SLC30A8: variants seen among roughly 807,000 people sequenced by gnomAD.
The protein encoded by SLC30A8 is solute carrier family 30 member 8.
In SLC30A8, 27 loss-of-function variants were observed where a neutral mutation model predicts 36.9. That is an observed-to-expected ratio of 0.73 (90% CI 0.54 to 1.01). SLC30A8 has a LOEUF of 1.01. SLC30A8 is among the 50% of genes least tolerant of loss of function. The pLI is 0.00. For missense variants in SLC30A8, 439 were observed against 452.0 expected, an observed-to-expected ratio of 0.97 and a Z score of 0.26; for synonymous variants, 164 against 172.4, an observed-to-expected ratio of 0.95 and a Z score of 0.38.
chr8:117,119,155 A>G (rs1229424084), intron 2 of SLC30A8, among the ~76,000 whole-genome samples: 9 of 151,938 alleles, frequency 5.9e-5, no homozygotes, highest in Non-Finnish European at 1.2e-4. Flanking sequence ...CTAGTAGGCT[A>G]AGAGAAACTT....
chr8:117,086,647 C>T (rs187472789), intron 2 of SLC30A8, among the ~76,000 whole-genome samples: 6 of 152,252 alleles, frequency 3.9e-5, no homozygotes, highest in Admixed American at 2.6e-4. Context: ...GATCCAGCAG[C>T]TGCCAAGGTG....
At chr8:117,143,844 A>C (rs534041558) in intron 1 of SLC30A8, among the ~76,000 whole-genome samples, 2 of 152,236 alleles carry the variant, frequency 1.3e-5, no homozygotes, top group Admixed American at 6.5e-5. Context: ...AGCAGTACAC[A>C]AAAGTAAAAA....
chr8:116,976,472 C>T (rs1189305090), intron 1 of SLC30A8, among the ~76,000 whole-genome samples: 1 of 152,112 alleles, frequency 6.6e-6, no homozygotes, highest in Non-Finnish European at 1.5e-5. Context: ...AAACTAAAAC[C>T]CTAGCTGACA....
chr8:117,133,068 A>G (rs1341064177), upstream of SLC30A8, among the ~76,000 whole-genome samples: 1 of 152,036 alleles, frequency 6.6e-6, no homozygotes, highest in Non-Finnish European at 1.5e-5. Context: ...TAAATGTAAC[A>G]TACATATCCA....
intron 2 of SLC30A8, among the ~76,000 whole-genome samples, chr8:117,087,733 C>T (rs1818937408): frequency 6.6e-6 from 1 of 152,144 alleles, no homozygotes; most frequent in East Asian, 1.9e-4. Flanking sequence ...CAGCTGTACC[C>T]TCTCATAATA....
At chr8:117,170,192 C>G (rs1051975157) in intron 6 of SLC30A8, among the ~76,000 whole-genome samples, 1 of 152,148 alleles carries the variant, frequency 6.6e-6, no homozygotes, top group Non-Finnish European at 1.5e-5. Context: ...AAAATCTCCT[C>G]TGGTAATACT....
intron 1 of SLC30A8, among the ~76,000 whole-genome samples, chr8:117,000,997 C>A (rs1815991020): frequency 6.6e-6 from 1 of 151,676 alleles, no homozygotes; most frequent in South Asian, 2.1e-4. Flanking sequence ...ATCCATTTTC[C>A]CCTTCATCTT....
intron 1 of SLC30A8, among the ~76,000 whole-genome samples, chr8:117,138,763 C>T (rs1272965365): frequency 1.3e-5 from 2 of 151,884 alleles, no homozygotes; most frequent in Non-Finnish European, 2.9e-5. Context: ...GACTACGATC[C>T]GTATTCAGTG....
chr8:117,063,113 C>G (rs1818070498), intron 2 of SLC30A8, among the ~76,000 whole-genome samples: 1 of 152,178 alleles, frequency 6.6e-6, no homozygotes, highest in Non-Finnish European at 1.5e-5. Flanking sequence ...GCTAGGGCTT[C>G]CCATCAACAG....
intron 1 of SLC30A8, among the ~76,000 whole-genome samples, chr8:117,038,544 G>A (rs1817286112): frequency 6.6e-6 from 1 of 152,046 alleles, no homozygotes; most frequent in South Asian, 2.1e-4. Context: ...ACATTTACTA[G>A]GTTTTCAGTA....
intron 1 of SLC30A8, among the ~76,000 whole-genome samples, chr8:116,998,374 A>G (rs967612390): frequency 6.6e-6 from 1 of 152,204 alleles, no homozygotes; most frequent in African/African-American, 2.4e-5. Flanking sequence ...TCCCTCCCAT[A>G]CTATTTAAAA....
At position 117,065,600 on chromosome 8, in the gene SLC30A8, G is replaced by A. The variant is rs1454698962; in HGVS notation, c.-226+26342G>A. Among the ~76,000 whole-genome samples, 3 of 151,910 alleles carry A rather than the reference G, an allele frequency of 2.0e-5. No individual in the cohort carries two copies. In the East Asian group the frequency reaches 5.8e-4, roughly 29 times the overall value. ...TGCTCTTCCCTAACCCTAATTCTTT[G>A]GAACTATCTCCGCTCATGGTGACTT... On this transcript the variant is annotated intron_variant, in intron 2 of 10. Transcript: ENST00000427715.
intron 2 of SLC30A8, among the ~76,000 whole-genome samples, chr8:117,062,602 G>A (rs913759996): frequency 3.9e-5 from 6 of 152,210 alleles, no homozygotes; most frequent in African/African-American, 1.4e-4. Flanking sequence ...AATTCAACAT[G>A]AGATTTGTAG....
chr8:116,997,692 T>G (rs965528891), intron 1 of SLC30A8, among the ~76,000 whole-genome samples: 1 of 152,152 alleles, frequency 6.6e-6, no homozygotes, highest in African/African-American at 2.4e-5. Flanking sequence ...GAAGAATATT[T>G]ATTAGAGGAA....
chr8:117,059,560 A>T (rs1563573326), intron 2 of SLC30A8, among the ~76,000 whole-genome samples: 1 of 152,106 alleles, frequency 6.6e-6, no homozygotes, highest in Non-Finnish European at 1.5e-5. Flanking sequence ...TGACCTTCCT[A>T]CACCCCTACT....
intron 1 of SLC30A8, among the ~76,000 whole-genome samples, chr8:116,957,417 T>C (rs1268800546): frequency 6.6e-6 from 1 of 152,084 alleles, no homozygotes; most frequent in Non-Finnish European, 1.5e-5. Flanking sequence ...ATTACAGGCA[T>C]GTGCCACCAT....
chr8:117,075,749 C>T (rs1818468930), intron 2 of SLC30A8, among the ~76,000 whole-genome samples: 1 of 152,278 alleles, frequency 6.6e-6, no homozygotes, highest in African/African-American at 2.4e-5. Context: ...GTAATCAAGT[C>T]ACTTTCATGT....
At chr8:117,156,834 AC>A (rs2130996269) in intron 3 of SLC30A8, among the ~76,000 whole-genome samples, 1 of 152,356 alleles carries the variant, frequency 6.6e-6, no homozygotes, top group South Asian at 2.1e-4. Context: ...TAATTGCCAC[AC>A]AATGGGTAAT....
chr8:117,162,871 A>G (rs1295590593), intron 5 of SLC30A8, among the ~76,000 whole-genome samples: 2 of 152,180 alleles, frequency 1.3e-5, no homozygotes, highest in Non-Finnish European at 2.9e-5. Context: ...CTGAGCAAGG[A>G]TGATACTTTG....
Sources: gnomAD v4.1 joint callset for allele counts (sites outside exome capture counted in the v4.1 genomes callset) on GRCh38, gnomAD v4.1.1 for gene constraint, MANE v1.5 for transcripts, NCBI Gene and HGNC (gene_info 2026-07-23, HGNC 2026-07-21) for gene names.